The following PON3 variants were observed in gnomAD, a reference collection of about 807,000 sequenced individuals.
PON3 encodes serum paraoxonase/lactonase 3.
PON3 carries 37 observed loss-of-function variants against 36.3 expected under a neutral mutation model. The ratio of observed to expected loss-of-function variants is 1.02; its 90% confidence interval spans 0.78 to 1.34. PON3 has a LOEUF of 1.34. PON3 is among the 40% of genes most tolerant of loss of function. The pLI, the probability that PON3 is intolerant of heterozygous loss-of-function variation, is 0.00. For missense variants in PON3, 415 were observed against 426.5 expected (o/e 0.97, Z 0.24); for synonymous variants, 155 against 154.8 (o/e 1.00, Z -0.01).
intron 2 of PON3, among the ~76,000 whole-genome samples, chr7:95,390,482 T>C (rs1399671677): frequency 1.3e-5 from 2 of 152,194 alleles, no homozygotes; most frequent in Admixed American, 6.5e-5. Flanking sequence ...ACTCATATCC[T>C]AGATTTACTC....
intron 3 of PON3, 131 bp downstream of exon 3, chr7:95,390,023 T>G (rs1296983988): frequency 1.1e-5 from 11 of 1,017,006 alleles, no homozygotes; most frequent in Admixed American, 1.7e-5. Context: ...TTTTGGCTTT[T>G]TTAGTTGACT....
chr7:95,379,962 C>A (rs1809008904), intron 3 of PON3, among the ~76,000 whole-genome samples: 2 of 152,194 alleles, frequency 1.3e-5, no homozygotes, highest in South Asian at 2.1e-4. Context: ...CCAGTACGGG[C>A]AGACTGACAC....
At chr7:95,373,674 G>A (rs1808856556) in intron 3 of PON3, among the ~76,000 whole-genome samples, 1 of 152,128 alleles carries the variant, frequency 6.6e-6, no homozygotes, top group Admixed American at 6.6e-5. Context: ...TCTAAAATCA[G>A]ATTGAAAAAC....
rs199801770 is a variant in PON3, at chr7:95,369,633, G to A, written c.368-2145C>T. ...CTACTAAAAATACAAAAAATTAGCC[G>A]GGCATGGTGGCGCATGCCTGTAATC... On this transcript the variant is annotated intron_variant, in intron 4 of 8. Transcript: ENST00000265627. 1.1e-4 allele frequency among the ~76,000 whole-genome samples: 17 copies of A among 152,148 alleles called. No individual in the cohort carries two copies. In the East Asian group the frequency reaches 1.7e-3, roughly 16 times the overall value.
chr7:95,366,348 C>T (rs1156991541), intron 5 of PON3, among the ~76,000 whole-genome samples: 1 of 152,190 alleles, frequency 6.6e-6, no homozygotes, highest in East Asian at 1.9e-4. Flanking sequence ...CTGTTCTCCG[C>T]TATGGCCTCA....
intron 3 of PON3, among the ~76,000 whole-genome samples, chr7:95,380,545 C>T (rs1258179358): frequency 1.3e-5 from 2 of 152,252 alleles, no homozygotes; most frequent in South Asian, 2.1e-4. Context: ...ATGAGAACTA[C>T]GTGATGAATG....
chr7:95,393,111 A>C (rs1809354909), intron 2 of PON3, among the ~76,000 whole-genome samples: 1 of 152,218 alleles, frequency 6.6e-6, no homozygotes, highest in Non-Finnish European at 1.5e-5. Flanking sequence ...TTTTTTAGAA[A>C]TTGAGAGGCA....
chr7:95,388,481 A>G (rs1308848476), intron 3 of PON3, among the ~76,000 whole-genome samples: 1 of 152,214 alleles, frequency 6.6e-6, no homozygotes, highest in Non-Finnish European at 1.5e-5. Flanking sequence ...ACACTTTTAC[A>G]CTGTTGGTGG....
At chr7:95,396,136 G>C (rs144436487) in intron 1 of PON3, 141 bp downstream of exon 1, 9 of 880,372 alleles carry the variant, frequency 1.0e-5, no homozygotes, top group Non-Finnish European at 1.7e-5. Flanking sequence ...CTCAAGGGGC[G>C]GTTTGCTGGG....
chr7:95,377,113 C>G (rs529570528), intron 3 of PON3, among the ~76,000 whole-genome samples: 3 of 152,234 alleles, frequency 2.0e-5, no homozygotes, highest in African/African-American at 7.2e-5. Flanking sequence ...TCTGGCTCGG[C>G]GGGTTCTACG....
At chr7:95,372,388 A>G in intron 3 of PON3, 50 bp from the exon 4 acceptor site, 1 of 1,569,320 alleles carries the variant, frequency 6.4e-7, no homozygotes, top group East Asian at 2.2e-5. Context: ...TCAAAACAAT[A>G]TTTTCATAAG....
intron 3 of PON3, among the ~76,000 whole-genome samples, chr7:95,388,143 G>C (rs1809240116): frequency 6.6e-6 from 1 of 152,132 alleles, no homozygotes; most frequent in Non-Finnish European, 1.5e-5. Flanking sequence ...TATCATCAGA[G>C]TGAAGAGGTA....
intron 4 of PON3, 119 bp downstream of exon 4, chr7:95,372,054 C>A: frequency 8.2e-7 from 1 of 1,215,646 alleles, no homozygotes; most frequent in Non-Finnish European, 1.2e-6. Context: ...TTAAAAAAAA[C>A]ACATCTGTAT....
At chr7:95,377,791 C>T (rs1808953758) in intron 3 of PON3, 1 of 156,498 alleles carries the variant, frequency 6.4e-6, no homozygotes, top group African/African-American at 2.4e-5. Flanking sequence ...ACAAAAACCA[C>T]AAAGATGGGG....
intron 3 of PON3, among the ~76,000 whole-genome samples, chr7:95,380,523 G>A (rs1293397643): frequency 1.3e-5 from 2 of 152,182 alleles, no homozygotes; most frequent in African/African-American, 4.8e-5. Flanking sequence ...TGATGGAGCT[G>A]AAAACCATGG....
intron 5 of PON3, chr7:95,364,285 G>T: frequency 5.3e-6 from 3 of 567,824 alleles, no homozygotes; most frequent in Middle Eastern, 4.7e-4. Context: ...CTCTTTCACA[G>T]AAATCAGTGA....
At chr7:95,396,152 T>G in intron 1 of PON3, 125 bp downstream of exon 1, 3 of 1,010,794 alleles carry the variant, frequency 3.0e-6, no homozygotes, top group Non-Finnish European at 3.2e-6. Context: ...CTGGGTGAGA[T>G]GGAGGAGTGA....
chr7:95,363,857 G>C lies in PON3; in HGVS notation c.695+6C>G. ...AAAGGATAGAAAAATACACAAAAGA[G>C]CTTACTTCTGGTCTGCTGAGACTGT... On this transcript the variant is annotated splice_donor_region_variant and intron_variant, in intron 6 of 8. Transcript: ENST00000265627. 6.2e-7 allele frequency: 1 copy of C among 1,611,848 alleles called. No individual in the cohort carries two copies. The highest frequency in any genetic ancestry group is 8.5e-7 in the Non-Finnish European group (1 of 1,178,004).
At chr7:95,396,127 T>C (rs1388343355) in intron 1 of PON3, 150 bp downstream of exon 1, 1 of 831,108 alleles carries the variant, frequency 1.2e-6, no homozygotes, top group Non-Finnish European at 2.1e-6. Context: ...TAAGCGAGTC[T>C]CAAGGGGCGG....
Sources: gnomAD v4.1 joint callset for allele counts (sites outside exome capture counted in the v4.1 genomes callset) on GRCh38, gnomAD v4.1.1 for gene constraint, MANE v1.5 for transcripts, NCBI Gene and HGNC (gene_info 2026-07-23, HGNC 2026-07-21) for gene names.